Variants in NOVA1 observed in about 807,000 individuals in gnomAD.
NOVA1 encodes the protein RNA-binding protein Nova-1.
NOVA1 carries 7 observed loss-of-function variants against 38.0 expected under a neutral mutation model. The observed-to-expected ratio is 0.18, with a 90% CI of 0.10 to 0.35. The LOEUF (loss-of-function observed/expected upper bound fraction) is 0.35. Among genes scored for constraint, NOVA1 ranks in the 10% least tolerant of loss-of-function variants. NOVA1 has a pLI of 1.00. For synonymous variants in NOVA1, 270 were observed against 232.5 expected, an observed-to-expected ratio of 1.16 and a Z score of -1.47; for missense variants, 460 against 616.0, an observed-to-expected ratio of 0.75 and a Z score of 2.68.
At chr14:26,538,179 C>T (rs1269429923) in intron 2 of NOVA1, among the ~76,000 whole-genome samples, 1 of 151,866 alleles carries the variant, frequency 6.6e-6, no homozygotes, top group Admixed American at 6.6e-5. Flanking sequence ...CCCAATATCC[C>T]CCAAACAATC....
At chr14:26,477,185 T>C (rs548922545) in intron 3 of NOVA1, among the ~76,000 whole-genome samples, 1 of 152,248 alleles carries the variant, frequency 6.6e-6, no homozygotes, top group Non-Finnish European at 1.5e-5. Context: ...TTCATAATTA[T>C]TCATGCCCAT....
Position 26,496,893 on chromosome 14 carries a change from G to A in NOVA1, c.281-16750C>T, listed in dbSNP as rs909946971. Among the ~76,000 whole-genome samples, 311 of 152,200 alleles carry A rather than the reference G, an allele frequency of 2.0e-3. 2 individuals are homozygous for A. The highest frequency in any genetic ancestry group is 7.1e-3 in the African/African-American group (293 of 41,534). Reference sequence around the variant, plus strand: ...CCAGTACCATGCTGTTTTGGTTACTGTAGCCTTGTAGTATAGTTTAAAGTC... The same window carrying A: ...CCAGTACCATGCTGTTTTGGTTACTATAGCCTTGTAGTATAGTTTAAAGTC... On this transcript the variant is annotated intron_variant, in intron 2 of 4. Coordinates refer to ENST00000539517, the MANE Select transcript of NOVA1 (RefSeq NM_002515.3).
intron 1 of NOVA1, chr14:26,595,912 T>C (rs757126870): frequency 9.3e-5 from 37 of 397,614 alleles, no homozygotes; most frequent in South Asian, 6.6e-4. Flanking sequence ...TAACAAAACT[T>C]CAGAGGTTTA....
At chr14:26,484,967 C>T (rs1361219655) in intron 2 of NOVA1, among the ~76,000 whole-genome samples, 2 of 151,848 alleles carry the variant, frequency 1.3e-5, no homozygotes, top group Middle Eastern at 3.4e-3. Context: ...ACGAACAAAC[C>T]CTGCCTTCAT....
At chr14:26,514,892 C>T (rs2138472956) in intron 2 of NOVA1, among the ~76,000 whole-genome samples, 1 of 151,840 alleles carries the variant, frequency 6.6e-6, no homozygotes, top group South Asian at 2.1e-4. Flanking sequence ...CAAAGTAAAC[C>T]CACATCCCAA....
intron 4 of NOVA1, among the ~76,000 whole-genome samples, chr14:26,459,595 T>A (rs1243060912): frequency 1.3e-5 from 2 of 152,134 alleles, no homozygotes; most frequent in South Asian, 2.1e-4. Flanking sequence ...TATTTTAAAA[T>A]TTTTAAGTAG....
At chr14:26,564,807 C>A (rs178162) in intron 2 of NOVA1, among the ~76,000 whole-genome samples, 145,150 of 152,230 alleles carry the variant, frequency 0.95, 69,565 homozygotes, top group East Asian at 1. Flanking sequence ...AGTTGTAAAA[C>A]TATGTCCAAC....
chr14:26,450,729 T>A (rs1454982441), intron 4 of NOVA1, among the ~76,000 whole-genome samples: 4 of 152,204 alleles, frequency 2.6e-5, no homozygotes, highest in Non-Finnish European at 5.9e-5. Context: ...ACTATGATTA[T>A]ATACTATACC....
intron 2 of NOVA1, among the ~76,000 whole-genome samples, chr14:26,504,460 T>C (rs1051157350): frequency 6.6e-6 from 1 of 152,192 alleles, no homozygotes; most frequent in Non-Finnish European, 1.5e-5. Flanking sequence ...ATCTCTTCCC[T>C]TTTTGTCTCA....
In NOVA1 at chr14:26,507,527, T is replaced by G. The variant is rs139910513; in HGVS notation, c.281-27384A>C. 1.9e-3 allele frequency among the ~76,000 whole-genome samples: 283 copies of G among 152,270 alleles called. 1 individual carries two copies. Among genetic ancestry groups the G allele is most frequent in the African/African-American group, 6.8e-3 (281 of 41,574 alleles). On this transcript the variant is annotated intron_variant, in intron 2 of 4. Transcript: ENST00000539517. ...GTCAGTAAAATAGATGCTGAAAAAG[T>G]TTTGATTAATCAGTATATTTCATTA...
At chr14:26,460,525 T>C (rs977458949) in intron 4 of NOVA1, among the ~76,000 whole-genome samples, 1 of 151,998 alleles carries the variant, frequency 6.6e-6, no homozygotes, top group African/African-American at 2.4e-5. Context: ...TTCAAAAATA[T>C]TTTTAAAGAG....
At chr14:26,488,201 T>C (rs1333152481) in intron 2 of NOVA1, among the ~76,000 whole-genome samples, 1 of 152,276 alleles carries the variant, frequency 6.6e-6, no homozygotes, top group South Asian at 2.1e-4. Context: ...TAATCCAAAG[T>C]CAACATAGTG....
chr14:26,535,594 T>G (rs116135125), intron 2 of NOVA1, among the ~76,000 whole-genome samples: 1,742 of 152,234 alleles, frequency 0.011, 24 homozygotes, highest in Middle Eastern at 0.058. Context: ...CAAAAAAATT[T>G]AGCATGATTA....
At chr14:26,471,962 A>C (rs1884619553) in intron 4 of NOVA1, 2 of 310,514 alleles carry the variant, frequency 6.4e-6, no homozygotes, top group African/African-American at 4.3e-5. Flanking sequence ...TTTTTTTTTT[A>C]CATATATGAT....
chr14:26,545,404 C>T lies in NOVA1; in HGVS notation c.280+50006G>A, dbSNP rs558428910. On this transcript the variant is annotated intron_variant, in intron 2 of 4. Transcript: ENST00000539517. Reference sequence around the variant, plus strand: ...AGTAGTTTAAAAGAATGGTGCATTCCAATAAAGGCCAAAAGAAAGCATGAT... The same window carrying T: ...AGTAGTTTAAAAGAATGGTGCATTCTAATAAAGGCCAAAAGAAAGCATGAT... 5.0e-4 allele frequency among the ~76,000 whole-genome samples: 76 copies of T among 151,856 alleles called. No homozygotes were observed. The South Asian group carries it at 5.8e-3, about 12-fold the overall frequency.
At chr14:26,510,119 G>A (rs1237733476) in intron 2 of NOVA1, among the ~76,000 whole-genome samples, 3 of 152,092 alleles carry the variant, frequency 2.0e-5, no homozygotes, top group Non-Finnish European at 4.4e-5. Context: ...AATACTCACT[G>A]AAAGAAGAGG....
intron 4 of NOVA1, among the ~76,000 whole-genome samples, chr14:26,454,694 T>C (rs1780566221): frequency 6.6e-6 from 1 of 152,330 alleles, no homozygotes; most frequent in South Asian, 2.1e-4. Context: ...TCTTTTTATA[T>C]CATGCATTAT....
intron 4 of NOVA1, among the ~76,000 whole-genome samples, chr14:26,451,584 G>T (rs145397620): frequency 1.3e-5 from 2 of 152,128 alleles, no homozygotes; most frequent in African/African-American, 4.8e-5. Context: ...TGTTGTCCAG[G>T]CTGGTCTCAA....
intron 4 of NOVA1, among the ~76,000 whole-genome samples, chr14:26,467,185 G>T (rs1007475218): frequency 2.0e-5 from 3 of 152,156 alleles, no homozygotes; most frequent in Non-Finnish European, 2.9e-5. Flanking sequence ...AGGATTCTGA[G>T]AAGAAGCAAA....
Sources: gnomAD v4.1 joint callset for allele counts (sites outside exome capture counted in the v4.1 genomes callset) on GRCh38, gnomAD v4.1.1 for gene constraint, MANE v1.5 for transcripts, NCBI Gene and HGNC (gene_info 2026-07-23, HGNC 2026-07-21) for gene names.